IRAK3: variants seen among roughly 807,000 people sequenced by gnomAD.
IRAK3 encodes interleukin-1 receptor-associated kinase 3.
Under a neutral mutation model 56.6 loss-of-function variants are expected in IRAK3, and 57 were observed. The ratio of observed to expected loss-of-function variants is 1.01; its 90% CI spans 0.81 to 1.26. The LOEUF is 1.26. IRAK3 is among the 50% of genes most tolerant of loss of function. The pLI is 0.00. For missense variants in IRAK3, 703 were observed against 719.0 expected (o/e 0.98, Z 0.25); for synonymous variants, 258 against 255.7 (o/e 1.01, Z -0.09).
At chr12:66,197,889 C>T in intron 1 of IRAK3, 7 of 983,986 alleles carry the variant, frequency 7.1e-6, no homozygotes, top group Non-Finnish European at 8.4e-6. Flanking sequence ...GCCTGCTGCA[C>T]TTTTAAAAGG....
At chr12:66,234,565 T>C in intron 8 of IRAK3, 1 of 1,611,886 alleles carries the variant, frequency 6.2e-7, no homozygotes, top group Non-Finnish European at 8.5e-7. Flanking sequence ...CTCTATGCCA[T>C]GGTCTTCCAT....
At chr12:66,208,486 C>T (rs138896271) in intron 2 of IRAK3, among the ~76,000 whole-genome samples, 12 of 152,272 alleles carry the variant, frequency 7.9e-5, no homozygotes, top group African/African-American at 2.4e-4. Context: ...TACAGCTGGG[C>T]GCTGTGGCTC....
At chr12:66,215,639 C>T (rs192700876) in intron 5 of IRAK3, among the ~76,000 whole-genome samples, 6 of 152,224 alleles carry the variant, frequency 3.9e-5, no homozygotes, top group African/African-American at 1.2e-4. Flanking sequence ...CTAGTTGTTA[C>T]GAGTAAAAAT....
At position 66,212,164 on chromosome 12, in the gene IRAK3, C is replaced by CTG. The variant is rs1278041503; in HGVS notation, c.588+567_588+568insTG. On this transcript the variant is annotated intron_variant, in intron 5 of 11. Transcript: ENST00000261233. ...TCTCCAGGACTTTGTTAAAGAGGGT[C>CTG]AGGTAGTGCTAGCCTGCCCTGATTT... Among the ~76,000 whole-genome samples, 24 of 151,402 alleles carry CTG rather than the reference C, an allele frequency of 1.6e-4. 1 individual carries two copies. Among genetic ancestry groups the CTG allele is most frequent in the Middle Eastern group, 6.9e-3 (2 of 288 alleles).
chr12:66,219,464 G>A (rs1463202063), intron 6 of IRAK3, among the ~76,000 whole-genome samples: 1 of 152,206 alleles, frequency 6.6e-6, no homozygotes, highest in African/African-American at 2.4e-5. Flanking sequence ...CACCATGATT[G>A]TGGGGCATCC....
At chr12:66,217,404 T>C (rs2052688375) in intron 6 of IRAK3, among the ~76,000 whole-genome samples, 169 bp downstream of exon 6, 1 of 152,212 alleles carries the variant, frequency 6.6e-6, no homozygotes, top group African/African-American at 2.4e-5. Flanking sequence ...TAAAGTACAT[T>C]TTAAAATAGA....
Position 66,249,069 on chromosome 12 carries a change from C to T in IRAK3, c.*898C>T, listed in dbSNP as rs1030206012. 2.0e-5 allele frequency: 3 copies of T among 152,204 alleles called. No homozygotes were observed. Among genetic ancestry groups the T allele is most frequent in the African/African-American group, 7.2e-5 (3 of 41,438 alleles). 9.4% of individuals were successfully genotyped at this position (152,204 alleles called of 1,614,324 possible). ...CTGGAAGCTTCCCTAATCTCTACAA[C>T]CAGAAGTACTCCCTTTATCAGTATT... On this transcript the variant is annotated 3_prime_UTR_variant, in exon 12 of 12. Coordinates refer to ENST00000261233, the MANE Select transcript of IRAK3 (RefSeq NM_007199.3).
intron 8 of IRAK3, among the ~76,000 whole-genome samples, chr12:66,241,235 G>A (rs1230138214): frequency 1.3e-5 from 2 of 152,078 alleles, no homozygotes; most frequent in Admixed American, 6.5e-5. Flanking sequence ...AGAGGGGATG[G>A]CCTCTCTGTT....
At chr12:66,209,689 T>A (rs1305660974) in intron 3 of IRAK3, among the ~76,000 whole-genome samples, 169 bp downstream of exon 3, 1 of 152,206 alleles carries the variant, frequency 6.6e-6, no homozygotes, top group Admixed American at 6.5e-5. Flanking sequence ...ATTTAGGAAA[T>A]TAGAGATTTA....
intron 8 of IRAK3, among the ~76,000 whole-genome samples, chr12:66,241,568 T>G (rs556958102): frequency 3.0e-4 from 46 of 152,340 alleles, no homozygotes; most frequent in Middle Eastern, 6.8e-3. Flanking sequence ...TTGAAGGGCC[T>G]TTTGCAATTT....
At chr12:66,190,113 T>C (rs2052385476) in intron 1 of IRAK3, among the ~76,000 whole-genome samples, 1 of 152,246 alleles carries the variant, frequency 6.6e-6, no homozygotes, top group African/African-American at 2.4e-5. Flanking sequence ...ATCTTCGTTT[T>C]GTTAAGTACA....
chr12:66,212,091 A>G (rs922797725), intron 5 of IRAK3, among the ~76,000 whole-genome samples: 3 of 143,356 alleles, frequency 2.1e-5, no homozygotes, highest in Admixed American at 7.4e-5. Context: ...AGCCTGGGTG[A>G]TAAAGTGAGA....
rs559035369 is a variant in IRAK3, at chr12:66,189,551, C to G, written c.133+119C>G. 3 of 638,428 alleles carry G rather than the reference C, an allele frequency of 4.7e-6. No individual in the cohort carries two copies. In the South Asian group the frequency reaches 2.2e-4, roughly 47 times the overall value. The allele number at this position is 638,428 out of a possible 1,614,324, so 39.5% of individuals were successfully genotyped here. On this transcript the variant is annotated intron_variant, in intron 1 of 11. Transcript: ENST00000261233. Reference sequence around the variant, plus strand: ...GGGCTGGCGCGGCCTCCGGGAAGTTCCCGCCAGGGAGCCGGCCCCCTCCTT... The same window carrying G: ...GGGCTGGCGCGGCCTCCGGGAAGTTGCCGCCAGGGAGCCGGCCCCCTCCTT...
At position 66,233,443 on chromosome 12, in the gene IRAK3, G is replaced by A. The variant is rs991686072; in HGVS notation, c.887+5073G>A. ...TGAGGCAGGAGAATGGCGTGAACCC[G>A]GGAGGCGGAGCTTGCAGTGAGCCGA... On this transcript the variant is annotated intron_variant, in intron 8 of 11. Transcript: ENST00000261233. Among the ~76,000 whole-genome samples, 5 of 152,082 alleles carry A rather than the reference G, an allele frequency of 3.3e-5. No individual in the cohort carries two copies. In the East Asian group the frequency reaches 5.8e-4, roughly 18 times the overall value.
At chr12:66,205,652 T>C (rs1164657754) in intron 2 of IRAK3, among the ~76,000 whole-genome samples, 1 of 152,226 alleles carries the variant, frequency 6.6e-6, no homozygotes, top group Admixed American at 6.5e-5. Flanking sequence ...CCTTCTATGC[T>C]GCCACCGTGG....
rs1335480193 is a variant in IRAK3 at position 66,253,411 on chromosome 12, G to A, written c.*5240G>A. 6.6e-6 allele frequency: 1 copy of A among 152,178 alleles called. No homozygotes were observed. The highest frequency in any genetic ancestry group is 1.5e-5 in the Non-Finnish European group (1 of 68,022). The allele number at this position is 152,178 out of a possible 1,614,324, so 9.4% of individuals were successfully genotyped here. ...TCTGGCAGGAAATAAACTGATGTTT[G>A]TTGTGTTTTGTATCTGTCTTCCCGT... On this transcript the variant is annotated 3_prime_UTR_variant, in exon 12 of 12. Transcript: ENST00000261233.
In IRAK3 at chr12:66,249,387, G is replaced by C. The variant is rs12822383; in HGVS notation, c.*1216G>C. 0.053 allele frequency: 8,125 copies of C among 152,254 alleles called. 334 individuals are homozygous for C. The highest frequency in any genetic ancestry group is 0.1 in the Admixed American group (1,575 of 15,290). The allele number at this position is 152,254 out of a possible 1,614,324, so 9.4% of individuals were successfully genotyped here. On this transcript the variant is annotated 3_prime_UTR_variant, in exon 12 of 12. Transcript: ENST00000261233. ...TCACCATGTTAGGCAGGATGGTCTC[G>C]ATCTCCTGACCTCATGATCCGCCTG...
Position 66,203,864 on chromosome 12 carries a change from G to T in IRAK3, c.287G>T (p.Arg96Leu), listed in dbSNP as rs145220063. Residue 96 changes from arginine (R) to leucine (L), a missense_variant, in exon 2 of 12, where the codon CGT becomes CTT. Coordinates refer to ENST00000261233, the MANE Select transcript of IRAK3 (RefSeq NM_007199.3). ...CAGGTCCTCCAGGAGATGGGACATCGTCGAGCTATTCATTTAATTACAAAC... is the reference window on the plus strand; with the variant it reads ...CAGGTCCTCCAGGAGATGGGACATCTTCGAGCTATTCATTTAATTACAAAC... Reference protein sequence around the residue: ...LLQVLQEMGHRRAIHLITNYG... With the variant: ...LLQVLQEMGHLRAIHLITNYG... The T allele has an allele frequency of 6.2e-7, 1 of 1,613,758 alleles. No individual in the cohort carries two copies. Among genetic ancestry groups the T allele is most frequent in the Admixed American group, 1.7e-5 (1 of 59,976 alleles).
intron 1 of IRAK3, among the ~76,000 whole-genome samples, chr12:66,195,103 C>A (rs1361367672): frequency 6.6e-6 from 1 of 152,208 alleles, no homozygotes; most frequent in Non-Finnish European, 1.5e-5. Flanking sequence ...GTTTTCCCAT[C>A]TCAGTAATGG....
Sources: gnomAD v4.1 joint callset for allele counts (sites outside exome capture counted in the v4.1 genomes callset) on GRCh38, gnomAD v4.1.1 for gene constraint, MANE v1.5 for transcripts, NCBI Gene and HGNC (gene_info 2026-07-23, HGNC 2026-07-21) for gene names.